Variants in GNAL observed in about 807,000 individuals in gnomAD.
GNAL encodes the protein G protein subunit alpha L.
In GNAL, 18 loss-of-function variants were observed where a neutral mutation model predicts 55.1. That is an observed-to-expected ratio of 0.33 (90% CI 0.23 to 0.48). The LOEUF (loss-of-function observed/expected upper bound fraction) is 0.48, where lower values mean the gene tolerates loss of function less well. Among genes scored for constraint, GNAL ranks in the 20% least tolerant of loss-of-function variants. The pLI is 0.99. For missense variants in GNAL, 412 were observed against 614.1 expected, an observed-to-expected ratio of 0.67 and a Z score of 3.48; for synonymous variants, 253 against 237.0, an observed-to-expected ratio of 1.07 and a Z score of -0.62.
At chr18:11,728,287 G>C (rs2032257397) in intron 1 of GNAL, among the ~76,000 whole-genome samples, 2 of 151,940 alleles carry the variant, frequency 1.3e-5, no homozygotes, top group South Asian at 4.2e-4. Context: ...GGGGTGGGGG[G>C]AGTAAGGCAT....
Position 11,884,788 on chromosome 18 carries a change from T to C in GNAL, c.*3653T>C. 7.3e-7 allele frequency: 1 copy of C among 1,364,826 alleles called. No individual in the cohort carries two copies. Among genetic ancestry groups the C allele is most frequent in the Non-Finnish European group, 9.7e-7 (1 of 1,035,902 alleles). 84.5% of individuals were successfully genotyped at this position (1,364,826 alleles called of 1,614,324 possible). A position where few individuals can be genotyped will look rare whatever the true frequency, so the allele number is the denominator to read the frequency against. On this transcript the variant is annotated 3_prime_UTR_variant, in exon 12 of 12. Coordinates refer to ENST00000334049, the MANE Select transcript of GNAL (RefSeq NM_182978.4). ...GACCAAGGGGGCCCAGCCTTCTCCC[T>C]GCACAGCTCACCCCCGACCAGCCCA...
At position 11,847,306 on chromosome 18, in the gene GNAL, T is replaced by G. The variant is rs186849928; in HGVS notation, c.723-15089T>G. On this transcript the variant is annotated intron_variant, in intron 5 of 11. Transcript: ENST00000334049. ...AGTAGGAGGAGCCCTTAGTTTGAGA[T>G]ATAACATTTCAAAATCACCAGAAAC... Among the ~76,000 whole-genome samples the G allele has an allele frequency of 7.2e-5, 11 of 151,928 alleles. No homozygotes were observed. The East Asian group carries it at 2.1e-3, about 29-fold the overall frequency.
intron 1 of GNAL, among the ~76,000 whole-genome samples, chr18:11,722,125 C>G (rs893984400): frequency 2.2e-4 from 33 of 152,044 alleles, no homozygotes; most frequent in Admixed American, 1.2e-3. Context: ...AATGTTGTTC[C>G]CAACATTCTC....
At position 11,749,882 on chromosome 18, in the gene GNAL, G is replaced by A. The variant is rs148989601; in HGVS notation, c.377-2971G>A. ...GAACTGAGAGTGTTAGGAGGGATGG[G>A]GTAAGCCCTAAGAAGGGGAGAGTTT... On this transcript the variant is annotated intron_variant, in intron 1 of 11. Transcript: ENST00000334049. Among the ~76,000 whole-genome samples, 396 of 152,284 alleles carry A rather than the reference G, an allele frequency of 2.6e-3. 2 individuals carry two copies. Among genetic ancestry groups the A allele is most frequent in the African/African-American group, 9.1e-3 (378 of 41,552 alleles).
At chr18:11,741,515 C>T (rs534184022) in intron 1 of GNAL, among the ~76,000 whole-genome samples, 9 of 152,340 alleles carry the variant, frequency 5.9e-5, no homozygotes, top group Admixed American at 1.3e-4. Context: ...AACTTGACTG[C>T]AGGTCCATCC....
chr18:11,854,587 G>A (rs1412094243), intron 5 of GNAL: 2 of 154,896 alleles, frequency 1.3e-5, no homozygotes, highest in African/African-American at 2.4e-5. Flanking sequence ...TTTGAGACTA[G>A]CCTGACCAAC....
rs1314881759 is a variant in GNAL at position 11,746,939 on chromosome 18, T to G, written c.377-5914T>G. On this transcript the variant is annotated intron_variant, in intron 1 of 11. Transcript: ENST00000334049. Reference sequence around the variant, plus strand: ...GGAAACTTAGGACATTACAACAGTTTGCACTTCAGTAGGTGAGTATTTAAT... The same window carrying G: ...GGAAACTTAGGACATTACAACAGTTGGCACTTCAGTAGGTGAGTATTTAAT... 6 of 534,600 alleles carry G rather than the reference T, an allele frequency of 1.1e-5. No individual in the cohort carries two copies. In the Admixed American group the frequency reaches 1.2e-4, roughly 10 times the overall value. 33.1% of individuals were successfully genotyped at this position (534,600 alleles called of 1,614,324 possible).
rs1457913880 is a variant in GNAL, at chr18:11,851,435, G to C, written c.723-10960G>C. ...GACCAAAACAAAGGAGCGGCGGCCGGGAGCGGACTTACCTTACCTTCTCTG... is the reference window on the plus strand; with the variant it reads ...GACCAAAACAAAGGAGCGGCGGCCGCGAGCGGACTTACCTTACCTTCTCTG... On this transcript the variant is annotated intron_variant, in intron 5 of 11. Transcript: ENST00000334049. The C allele has an allele frequency of 2.1e-6, 3 of 1,442,282 alleles. No individual in the cohort carries two copies. In the African/African-American group the frequency reaches 4.3e-5, roughly 21 times the overall value. The allele number at this position is 1,442,282 out of a possible 1,614,324, so 89.3% of individuals were successfully genotyped here. A position where few individuals can be genotyped will look rare whatever the true frequency, so the allele number is the denominator to read the frequency against.
chr18:11,841,125 C>T (rs543766593), intron 5 of GNAL, among the ~76,000 whole-genome samples: 7 of 152,122 alleles, frequency 4.6e-5, no homozygotes, highest in Non-Finnish European at 8.8e-5. Context: ...CTGCCCACCT[C>T]GGCCTCCCAA....
chr18:11,721,059 C>T (rs2143402329), intron 1 of GNAL, among the ~76,000 whole-genome samples: 1 of 152,322 alleles, frequency 6.6e-6, no homozygotes, highest in Non-Finnish European at 1.5e-5. Context: ...TTCTTCTCTT[C>T]CAGAAAAGTG....
Position 11,789,174 on chromosome 18 carries a change from T to A in GNAL, c.624+35229T>A, listed in dbSNP as rs2034160572. 2.6e-5 allele frequency among the ~76,000 whole-genome samples: 4 copies of A among 151,946 alleles called. No individual in the cohort carries two copies. The South Asian group carries it at 8.3e-4, about 32-fold the overall frequency. Reference sequence around the variant, plus strand: ...ACCCTGCCACAACACAGAGGAGCAGTTGAGGCCCTCAATCACTGTCCTAAG... The same window carrying A: ...ACCCTGCCACAACACAGAGGAGCAGATGAGGCCCTCAATCACTGTCCTAAG... On this transcript the variant is annotated intron_variant, in intron 4 of 11. Transcript: ENST00000334049.
chr18:11,779,438 T>C (rs948640846), intron 4 of GNAL, among the ~76,000 whole-genome samples: 2 of 152,200 alleles, frequency 1.3e-5, no homozygotes, highest in African/African-American at 4.8e-5. Context: ...GGATAGACTT[T>C]CTTACAGACA....
chr18:11,739,108 A>C (rs2032521037), intron 1 of GNAL, among the ~76,000 whole-genome samples: 1 of 152,184 alleles, frequency 6.6e-6, no homozygotes, highest in Non-Finnish European at 1.5e-5. Context: ...CCCTGGGGGC[A>C]CTTGGTGCTC....
intron 4 of GNAL, among the ~76,000 whole-genome samples, chr18:11,795,787 G>C (rs2034363049): frequency 6.6e-6 from 1 of 152,204 alleles, no homozygotes. Flanking sequence ...CCTTGGCTGA[G>C]AAGAGCTCCC....
Position 11,881,232 on chromosome 18 carries a change from C to A in GNAL, c.*97C>A, listed in dbSNP as rs2143949746. 8.1e-7 allele frequency: 1 copy of A among 1,242,116 alleles called. No homozygotes were observed. The allele number at this position is 1,242,116 out of a possible 1,614,324, so 76.9% of individuals were successfully genotyped here. Reference sequence around the variant, plus strand: ...AGGCAGAGTCTCTAGTTCCATCTCGCTGCCGTCTGTCCCGTTCTGTGTCGA... The same window carrying A: ...AGGCAGAGTCTCTAGTTCCATCTCGATGCCGTCTGTCCCGTTCTGTGTCGA... On this transcript the variant is annotated 3_prime_UTR_variant, in exon 12 of 12. Transcript: ENST00000334049. The surrounding 1 kb of genome is among the most constrained non-coding windows in gnomAD (Gnocchi z 4.8).
chr18:11,749,149 A>T (rs77016420), intron 1 of GNAL, among the ~76,000 whole-genome samples: 1 of 151,384 alleles, frequency 6.6e-6, no homozygotes, highest in Non-Finnish European at 1.5e-5. Flanking sequence ...AAAAAAAAAA[A>T]AACCTCACCT....
chr18:11,814,249 G>T (rs1461358976), intron 4 of GNAL, among the ~76,000 whole-genome samples: 2 of 152,232 alleles, frequency 1.3e-5, no homozygotes, highest in Non-Finnish European at 2.9e-5. Flanking sequence ...ACTGGGCCGG[G>T]CACGGTGGCT....
chr18:11,852,273 A>T, intron 5 of GNAL: 2 of 824,186 alleles, frequency 2.4e-6, no homozygotes, highest in Non-Finnish European at 3.8e-6. Flanking sequence ...TAAGAAATTC[A>T]GTATTTCTGC....
intron 4 of GNAL, among the ~76,000 whole-genome samples, chr18:11,820,274 T>C (rs2035059108): frequency 6.6e-6 from 1 of 152,160 alleles, no homozygotes; most frequent in Non-Finnish European, 1.5e-5. Context: ...ATAATCAATA[T>C]GCCAGTGTCA....
Sources: gnomAD v4.1 joint callset for allele counts (sites outside exome capture counted in the v4.1 genomes callset) on GRCh38, gnomAD v4.1.1 for gene constraint, Gnocchi (gnomAD v3.1) non-coding constraint, MANE v1.5 for transcripts, NCBI Gene and HGNC (gene_info 2026-07-23, HGNC 2026-07-21) for gene names.